The following IGSF10 variants were observed in gnomAD, a reference collection of about 807,000 sequenced individuals.
IGSF10 encodes immunoglobulin superfamily member 10.
IGSF10 carries 126 observed loss-of-function variants against 128.2 expected under a neutral mutation model. That is an observed-to-expected ratio of 0.98 (90% CI 0.85 to 1.14). The LOEUF (loss-of-function observed/expected upper bound fraction) is 1.14. Ranked by LOEUF, IGSF10 falls within the 50% of genes most tolerant of loss-of-function variation. The probability of loss-of-function intolerance (pLI) is 0.00; values close to 1 mark genes in which losing one functional copy is unlikely to be tolerated. For synonymous variants in IGSF10, 1,185 were observed against 1,146.2 expected, an observed-to-expected ratio of 1.03 and a Z score of -0.68; for missense variants, 3,295 against 3,149.8, an observed-to-expected ratio of 1.05 and a Z score of -1.10.
chr3:151,520,686 G>A, the IGSF10 span, among the ~76,000 whole-genome samples: 1 of 151,808 alleles, frequency 6.6e-6, no homozygotes, highest in African/African-American at 2.4e-5. Flanking sequence ...AATGTTGAAT[G>A]AGTTTGTTAC....
the IGSF10 span, among the ~76,000 whole-genome samples, chr3:151,593,722 G>T: frequency 6.6e-6 from 1 of 152,112 alleles, no homozygotes; most frequent in Non-Finnish European, 1.5e-5. Context: ...TAGAGAAAAA[G>T]ATTTTGAAAT....
At chr3:151,472,422 T>C in the IGSF10 span, among the ~76,000 whole-genome samples, 1 of 152,306 alleles carries the variant, frequency 6.6e-6, no homozygotes, top group East Asian at 1.9e-4. Flanking sequence ...ACTCATTTTA[T>C]TGGGCAAGTT....
chr3:151,521,036 A>G, the IGSF10 span, among the ~76,000 whole-genome samples: 38 of 152,094 alleles, frequency 2.5e-4, no homozygotes, highest in Admixed American at 3.9e-4. Flanking sequence ...TGAAGGAAAA[A>G]TTTACCAAGC....
the IGSF10 span, among the ~76,000 whole-genome samples, chr3:151,487,217 A>G: frequency 3.9e-5 from 6 of 152,228 alleles, no homozygotes; most frequent in African/African-American, 1.4e-4. Flanking sequence ...ATGCAAATAA[A>G]CTAGAAAATC....
At chr3:151,575,609 G>A in the IGSF10 span, among the ~76,000 whole-genome samples, 931 of 152,284 alleles carry the variant, frequency 6.1e-3, 10 homozygotes, top group African/African-American at 0.021. Flanking sequence ...AGAGTGTCTC[G>A]ATTTTCCCGG....
At chr3:151,500,170 T>A in the IGSF10 span, among the ~76,000 whole-genome samples, 1 of 152,110 alleles carries the variant, frequency 6.6e-6, no homozygotes, top group Non-Finnish European at 1.5e-5. Flanking sequence ...TGGAAAGAAA[T>A]ATGGCTGCAG....
the IGSF10 span, among the ~76,000 whole-genome samples, chr3:151,530,440 A>T: frequency 6.6e-6 from 1 of 152,190 alleles, no homozygotes; most frequent in East Asian, 1.9e-4. Context: ...AAATGAAGGA[A>T]AAAATGTTAA....
At chr3:151,481,302 CTG>C in the IGSF10 span, among the ~76,000 whole-genome samples, 1 of 152,180 alleles carries the variant, frequency 6.6e-6, no homozygotes, top group Non-Finnish European at 1.5e-5. Flanking sequence ...CACTCCACCT[CTG>C]TAAGGAGGGG....
the IGSF10 span, among the ~76,000 whole-genome samples, chr3:151,615,133 G>C: frequency 6.7e-6 from 1 of 150,078 alleles, no homozygotes; most frequent in South Asian, 2.2e-4. Context: ...CCTCTATTTT[G>C]GGTCAGACAA....
the IGSF10 span, among the ~76,000 whole-genome samples, chr3:151,563,024 A>G: frequency 1.3e-5 from 2 of 152,150 alleles, no homozygotes; most frequent in South Asian, 4.1e-4. Flanking sequence ...GGGATGGGCC[A>G]GGGATTCATA....
downstream of IGSF10, chr3:151,433,657 G>C (rs1399375534): frequency 6.6e-6 from 1 of 152,508 alleles, no homozygotes; most frequent in Non-Finnish European, 1.5e-5. Context: ...TGAACCTTAT[G>C]CCACCTTAAG....
At chr3:151,494,010 A>C in the IGSF10 span, among the ~76,000 whole-genome samples, 23 of 152,232 alleles carry the variant, frequency 1.5e-4, no homozygotes, top group Admixed American at 6.5e-4. Context: ...AAGAAAAAAA[A>C]CAAAAAATTT....
At chr3:151,619,366 T>C in the IGSF10 span, among the ~76,000 whole-genome samples, 1 of 151,980 alleles carries the variant, frequency 6.6e-6, no homozygotes, top group Non-Finnish European at 1.5e-5. Context: ...ACATTTTTTA[T>C]AATATAACAA....
chr3:151,577,653 TA>T, the IGSF10 span, among the ~76,000 whole-genome samples: 939 of 147,940 alleles, frequency 6.3e-3, 9 homozygotes, highest in African/African-American at 0.022. Context: ...CCAACACCAA[TA>T]AAAAAAAAAT....
intron 2 of IGSF10, among the ~76,000 whole-genome samples, chr3:151,459,677 A>G (rs11922654): frequency 0.015 from 2,230 of 152,336 alleles, 20 homozygotes; most frequent in Non-Finnish European, 0.024. Flanking sequence ...TCAGAAAAAA[A>G]AAAATGGTAT....
chr3:151,598,815 G>A, the IGSF10 span, among the ~76,000 whole-genome samples: 2 of 152,132 alleles, frequency 1.3e-5, no homozygotes, highest in African/African-American at 4.8e-5. Context: ...AATACCATAG[G>A]TATCTAGTGA....
chr3:151,456,076 TG>T (rs2108573226), intron 4 of IGSF10, among the ~76,000 whole-genome samples: 1 of 152,332 alleles, frequency 6.6e-6, no homozygotes, highest in South Asian at 2.1e-4. Flanking sequence ...ATTGAAAATT[TG>T]GTCGAGAGAA....
the IGSF10 span, among the ~76,000 whole-genome samples, chr3:151,509,239 C>T: frequency 6.6e-6 from 1 of 152,074 alleles, no homozygotes; most frequent in East Asian, 1.9e-4. Context: ...TAATTGAATT[C>T]CAAGAAAATA....
At chr3:151,435,058 GTTTC>G (rs1229810897), downstream of IGSF10, 6 of 124,588 alleles carry the variant, frequency 4.8e-5, no homozygotes, top group Non-Finnish European at 9.8e-5. Flanking sequence ...ATCTTGAGAG[GTTTC>G]TTTTTTTTTT....
Sources: gnomAD v4.1 joint callset for allele counts (sites outside exome capture counted in the v4.1 genomes callset) on GRCh38, gnomAD v4.1.1 for gene constraint, MANE v1.5 for transcripts, NCBI Gene and HGNC (gene_info 2026-07-23, HGNC 2026-07-21) for gene names.